The following SEMA6A variants were observed in gnomAD, a reference collection of about 807,000 sequenced individuals.
The protein encoded by SEMA6A is semaphorin 6A, also known as semaphorin-6A.
In SEMA6A, 25 loss-of-function variants were observed where a neutral mutation model predicts 96.8. The ratio of observed to expected loss-of-function variants is 0.26; its 90% confidence interval spans 0.19 to 0.36. The LOEUF (loss-of-function observed/expected upper bound fraction) is 0.36. Among genes scored for constraint, SEMA6A ranks in the 10% least tolerant of loss-of-function variants. The probability of loss-of-function intolerance (pLI) is 1.00; values close to 1 mark genes in which losing one functional copy is unlikely to be tolerated. For missense variants in SEMA6A, 1,363 were observed against 1,323.1 expected (o/e 1.03, Z -0.47); for synonymous variants, 612 against 518.0 (o/e 1.18, Z -2.46).
At chr5:116,482,851 AAAG>A (rs770392964) in intron 10 of SEMA6A, among the ~76,000 whole-genome samples, 7 of 152,252 alleles carry the variant, frequency 4.6e-5, no homozygotes, top group African/African-American at 7.2e-5. Flanking sequence ...TTTATTTATA[AAAG>A]AAGAATTGTT....
chr5:116,512,444 A>G (rs896439261), intron 1 of SEMA6A, among the ~76,000 whole-genome samples: 1 of 152,154 alleles, frequency 6.6e-6, no homozygotes, highest in African/African-American at 2.4e-5. Context: ...ACTTCAACAC[A>G]TTTTGGAGAG....
At chr5:116,488,754 C>T in intron 8 of SEMA6A, 134 bp downstream of exon 8, 1 of 1,129,166 alleles carries the variant, frequency 8.9e-7, no homozygotes, top group Non-Finnish European at 1.2e-6. Context: ...GCCAAAGATG[C>T]AATTTACATG....
intron 1 of SEMA6A, among the ~76,000 whole-genome samples, chr5:116,509,557 T>C (rs1758307885): frequency 6.6e-6 from 1 of 152,050 alleles, no homozygotes; most frequent in African/African-American, 2.4e-5. Context: ...TCTGTGATGG[T>C]ACTGTTCTAA....
intron 1 of SEMA6A, among the ~76,000 whole-genome samples, chr5:116,567,280 T>C (rs959900072): frequency 1.3e-5 from 2 of 152,164 alleles, no homozygotes; most frequent in Admixed American, 6.5e-5. Context: ...ACCCATGACA[T>C]TATGGCCTGT....
chr5:116,452,386 A>T (rs1430506169), intron 18 of SEMA6A, among the ~76,000 whole-genome samples: 1 of 151,848 alleles, frequency 6.6e-6, no homozygotes, highest in Non-Finnish European at 1.5e-5. Context: ...TCATGTCTTA[A>T]ATTGGCAGAA....
At chr5:116,462,269 A>G (rs1272900441) in intron 18 of SEMA6A, among the ~76,000 whole-genome samples, 1 of 152,224 alleles carries the variant, frequency 6.6e-6, no homozygotes, top group Non-Finnish European at 1.5e-5. Flanking sequence ...GACAGCTGAC[A>G]CTGAAGGCTT....
intron 4 of SEMA6A, among the ~76,000 whole-genome samples, chr5:116,496,577 T>G (rs1438234545): frequency 3.3e-5 from 5 of 152,188 alleles, no homozygotes; most frequent in African/African-American, 1.2e-4. Flanking sequence ...GAAAGAAGAA[T>G]AAACAAGAGT....
intron 1 of SEMA6A, among the ~76,000 whole-genome samples, chr5:116,513,714 C>T (rs77821955): frequency 0.018 from 2,671 of 151,622 alleles, 71 homozygotes; most frequent in South Asian, 0.095. Context: ...CGGCACAGGT[C>T]ATCCCATCGC....
At chr5:116,497,177 C>T (rs1440099977) in intron 4 of SEMA6A, 150 bp downstream of exon 4, 1 of 558,004 alleles carries the variant, frequency 1.8e-6, no homozygotes, top group Non-Finnish European at 3.2e-6. Context: ...CAAATCCTAA[C>T]CTATTCCCTA....
intron 3 of SEMA6A, among the ~76,000 whole-genome samples, chr5:116,499,939 A>C (rs986948098): frequency 1.3e-5 from 2 of 152,090 alleles, no homozygotes; most frequent in Non-Finnish European, 2.9e-5. Context: ...CTGTTATACC[A>C]TTTTTTCCCC....
intron 1 of SEMA6A, among the ~76,000 whole-genome samples, chr5:116,543,714 G>A (rs1036550994): frequency 6.6e-6 from 1 of 152,142 alleles, no homozygotes; most frequent in African/African-American, 2.4e-5. Context: ...ACTTCCACAT[G>A]CTGACACAAG....
intron 1 of SEMA6A, among the ~76,000 whole-genome samples, chr5:116,513,825 G>A (rs11744591): frequency 0.025 from 3,780 of 151,908 alleles, 61 homozygotes; most frequent in Middle Eastern, 0.041. Flanking sequence ...GTTCTTCCCC[G>A]TGTGTCCATT....
intron 1 of SEMA6A, among the ~76,000 whole-genome samples, chr5:116,527,799 T>G (rs1759296429): frequency 6.6e-6 from 1 of 152,300 alleles, no homozygotes; most frequent in South Asian, 2.1e-4. Context: ...AACCCTGTGA[T>G]GCACAAAACC....
intron 18 of SEMA6A, among the ~76,000 whole-genome samples, chr5:116,450,214 G>A (rs1754533917): frequency 6.6e-6 from 1 of 152,186 alleles, no homozygotes; most frequent in Admixed American, 6.5e-5. Flanking sequence ...GATTTCAGTG[G>A]GAGTTGAACA....
At chr5:116,509,620 G>C (rs957337320) in intron 1 of SEMA6A, among the ~76,000 whole-genome samples, 27 of 151,724 alleles carry the variant, frequency 1.8e-4, no homozygotes, top group Admixed American at 3.3e-4. Context: ...GAGAGAGAGA[G>C]AGAGCATGCG....
chr5:116,455,125 A>G (rs26603), intron 18 of SEMA6A, among the ~76,000 whole-genome samples: 77,271 of 151,968 alleles, frequency 0.51, 21,080 homozygotes, highest in Non-Finnish European at 0.61. Flanking sequence ...AATTCATTCT[A>G]TTTCATTTTT....
chr5:116,482,342 C>T (rs1756823814), intron 11 of SEMA6A, 102 bp downstream of exon 11: 1 of 1,273,012 alleles, frequency 7.9e-7, no homozygotes, highest in Admixed American at 2.3e-5. Flanking sequence ...GCTTGGCTGG[C>T]ATGGAAGGCA....
chr5:116,486,966 C>A lies in SEMA6A; in HGVS notation c.745G>T (p.Val249Leu). The A allele has an allele frequency of 6.2e-7, 1 of 1,610,302 alleles. No homozygotes were observed. Among genetic ancestry groups the A allele is most frequent in the Non-Finnish European group, 8.5e-7 (1 of 1,176,876 alleles). ...ACCTGAGCCACTCTTGGGAAAACTA[C>A]CTGCAGAGGAAAAACACATAGGGAA... Reference protein sequence around the residue: ...IAVEYNTMGKVVFPRVAQVCK... With the variant: ...IAVEYNTMGKLVFPRVAQVCK... The change falls in exon 10 of 19, where the codon GTA becomes TTA. Residue 249 changes from valine (V) to leucine (L), a missense_variant and splice_region_variant. By Grantham distance (32) the Val-to-Leu change is conservative. Transcript: ENST00000343348.
chr5:116,448,069 C>G (rs1404230256), intron 18 of SEMA6A, among the ~76,000 whole-genome samples: 3 of 151,258 alleles, frequency 2.0e-5, no homozygotes, highest in African/African-American at 7.3e-5. Context: ...CACGGTGACT[C>G]ACGCCTGTAA....
Sources: allele counts gnomAD v4.1 joint callset (sites outside exome capture counted in the v4.1 genomes callset), GRCh38; gene constraint gnomAD v4.1.1; transcripts MANE v1.5; gene names NCBI Gene and HGNC (gene_info 2026-07-23, HGNC 2026-07-21).